Variants in ANAPC4 observed in about 807,000 individuals in gnomAD.
The protein encoded by ANAPC4 is anaphase promoting complex subunit 4, also known as anaphase-promoting complex subunit 4.
A neutral mutation model predicts 119.8 loss-of-function variants in ANAPC4; 63 were observed. The observed-to-expected ratio is 0.53, with a 90% CI of 0.43 to 0.65. The LOEUF (loss-of-function observed/expected upper bound fraction) is 0.65. Among genes scored for constraint, ANAPC4 ranks in the 30% least tolerant of loss-of-function variants. The probability of loss-of-function intolerance (pLI) is 0.00; values close to 1 mark genes in which losing one functional copy is unlikely to be tolerated. For missense variants in ANAPC4, 716 were observed against 945.1 expected (o/e 0.76, Z 3.18); for synonymous variants, 283 against 318.6 (o/e 0.89, Z 1.19).
Position 25,394,810 on chromosome 4 carries a change from A to G in ANAPC4, c.985-19A>G, listed in dbSNP as rs759661843. On this transcript the variant is annotated intron_variant, in intron 13 of 28. Transcript: ENST00000315368. ...AATATCCTGATTGTATGCTAAATAT[A>G]TTTTCCTTTTTTAATTAGGGCTTGA... 1 of 1,606,934 alleles carries G rather than the reference A, an allele frequency of 6.2e-7. No individual in the cohort carries two copies. Among genetic ancestry groups the G allele is most frequent in the South Asian group, 1.1e-5 (1 of 89,420 alleles).
At position 25,416,583 on chromosome 4, in the gene ANAPC4, G is replaced by A; in HGVS notation, c.2060G>A (p.Gly687Glu). The change falls in exon 27 of 29, where the codon GGG (glycine) becomes GAG (glutamate). Residue 687 changes from glycine (G) to glutamate (E), a missense_variant. By Grantham distance (98) the Gly-to-Glu change is moderately conservative. Transcript: ENST00000315368. ...SEDSAEYQFT[G>E]TYSTRLDEQC... ...GATTCTGCAGAATATCAGTTCACTGGGACTTATTCTACAAGGTAACTAGTA... is the reference window on the plus strand; with the variant it reads ...GATTCTGCAGAATATCAGTTCACTGAGACTTATTCTACAAGGTAACTAGTA... 1 of 1,538,920 alleles carries A rather than the reference G, an allele frequency of 6.5e-7. No homozygotes were observed. Among genetic ancestry groups the A allele is most frequent in the Admixed American group, 1.8e-5 (1 of 54,300 alleles).
intron 4 of ANAPC4, among the ~76,000 whole-genome samples, chr4:25,385,966 T>C (rs1722008365): frequency 6.6e-6 from 1 of 152,204 alleles, no homozygotes. Flanking sequence ...GTTTCGCTCT[T>C]ATTGCCCAGG....
At chr4:25,406,163 A>G (rs1723236027) in intron 18 of ANAPC4, among the ~76,000 whole-genome samples, 1 of 152,188 alleles carries the variant, frequency 6.6e-6, no homozygotes, top group African/African-American at 2.4e-5. Context: ...TGAGCCTGAA[A>G]AAATGGACAG....
At chr4:25,395,016 C>T in intron 14 of ANAPC4, 111 bp downstream of exon 14, 1 of 793,698 alleles carries the variant, frequency 1.3e-6, no homozygotes, top group East Asian at 2.6e-5. Flanking sequence ...CCTTTTCTAG[C>T]TAAAATTGTT....
intron 8 of ANAPC4, 43 bp from the exon 9 acceptor site, chr4:25,390,868 A>C (rs759418058): frequency 6.9e-7 from 1 of 1,457,668 alleles, no homozygotes; most frequent in Non-Finnish European, 9.6e-7. Context: ...GCTTCAACCT[A>C]GCAGTGATAC....
At chr4:25,399,024 A>G (rs760908480) in intron 16 of ANAPC4, among the ~76,000 whole-genome samples, 6 of 151,788 alleles carry the variant, frequency 4.0e-5, no homozygotes, top group Non-Finnish European at 8.8e-5. Context: ...TAAAAATTAC[A>G]AGAATAATAG....
chr4:25,408,025 C>A (rs891744060), intron 20 of ANAPC4, among the ~76,000 whole-genome samples: 1 of 152,140 alleles, frequency 6.6e-6, no homozygotes, highest in South Asian at 2.1e-4. Context: ...ATATTGCAAA[C>A]CTCTTTGATG....
intron 7 of ANAPC4, 57 bp from the exon 8 acceptor site, chr4:25,390,079 A>C: frequency 8.3e-7 from 1 of 1,199,544 alleles, no homozygotes; most frequent in Non-Finnish European, 1.2e-6. Flanking sequence ...TCGCTTTAAC[A>C]ATGCAATCAT....
intron 10 of ANAPC4, among the ~76,000 whole-genome samples, chr4:25,393,017 G>A (rs950901189): frequency 6.6e-6 from 1 of 152,180 alleles, no homozygotes; most frequent in African/African-American, 2.4e-5. Flanking sequence ...TATTTCTGCT[G>A]CATTCCGTTA....
intron 4 of ANAPC4, among the ~76,000 whole-genome samples, chr4:25,386,762 A>G (rs1358072717): frequency 6.6e-6 from 1 of 152,210 alleles, no homozygotes; most frequent in Non-Finnish European, 1.5e-5. Context: ...GATTTGTGAA[A>G]AATGCAGTAT....
intron 4 of ANAPC4, among the ~76,000 whole-genome samples, chr4:25,384,799 C>A (rs1490769564): frequency 3.0e-4 from 43 of 141,478 alleles, no homozygotes; most frequent in Admixed American, 3.5e-4. Flanking sequence ...TGACCTGTCT[C>A]AAAAAAAAAA....
rs79298207 is a variant in ANAPC4 at position 25,395,897 on chromosome 4, G to A, written c.1062-767G>A. Among the ~76,000 whole-genome samples, 1,149 of 152,276 alleles carry A rather than the reference G, an allele frequency of 7.5e-3. 40 individuals carry two copies. The East Asian group carries it at 0.11, about 15-fold the overall frequency. On this transcript the variant is annotated intron_variant, in intron 14 of 28. Coordinates refer to ENST00000315368, the MANE Select transcript of ANAPC4 (RefSeq NM_013367.3). ...CTTTGAATGTATTTTCCCCAGTAGA[G>A]CTAAACATATTTCTCTCTTAAAAAC...
chr4:25,400,306 CA>C (rs1025171359), intron 16 of ANAPC4, among the ~76,000 whole-genome samples: 26 of 151,682 alleles, frequency 1.7e-4, no homozygotes, highest in African/African-American at 5.8e-4. Context: ...GGACCTAGTG[CA>C]GAAGGGAAAG....
Position 25,406,767 on chromosome 4 carries a change from A to G in ANAPC4, c.1318-62A>G, listed in dbSNP as rs1004474955. 41 of 1,243,894 alleles carry G rather than the reference A, an allele frequency of 3.3e-5. No individual in the cohort carries two copies. In the African/African-American group the frequency reaches 5.4e-4, roughly 16 times the overall value. The allele number at this position is 1,243,894 out of a possible 1,614,324, so 77.1% of individuals were successfully genotyped here. ...AATGTCACATTTATAATTATGTACC[A>G]TTTCTTTTATTGAGCAGCTTTCTTT... On this transcript the variant is annotated intron_variant, in intron 18 of 28. Coordinates refer to ENST00000315368, the MANE Select transcript of ANAPC4 (RefSeq NM_013367.3).
chr4:25,395,470 T>G (rs545598945), intron 14 of ANAPC4: 3 of 152,474 alleles, frequency 2.0e-5, no homozygotes, highest in African/African-American at 7.2e-5. Context: ...GGTTTTTTGT[T>G]TTTTCGAGAT....
Position 25,394,894 on chromosome 4 carries a change from T to A in ANAPC4, c.1050T>A (p.Ser350Arg). Residue 350 changes from serine to arginine, a missense_variant, in exon 14 of 29, where the codon AGT becomes AGA. This residue lies in a region of ANAPC4 where 504 missense variants were observed against 615.8 expected (regional missense o/e 0.82). Coordinates refer to ENST00000315368, the MANE Select transcript of ANAPC4 (RefSeq NM_013367.3). ...CCAGTATACAAAAATTGGTCATAAG[T>A]CATTTACAGAGGTATGAAGGTGACG... ...SYSSIQKLVI[S>R]HLQSGSESLL... 1.2e-6 allele frequency: 2 copies of A among 1,612,904 alleles called. No homozygotes were observed. The highest frequency in any genetic ancestry group is 1.7e-6 in the Non-Finnish European group (2 of 1,179,424).
chr4:25,416,245 A>G (rs1367259929), intron 26 of ANAPC4, 180 bp from the exon 27 acceptor site: 1 of 419,808 alleles, frequency 2.4e-6, no homozygotes, highest in African/African-American at 2.0e-5. Flanking sequence ...ATATATGTGA[A>G]TAATCAGTAC....
At chr4:25,389,787 A>G (rs954217959) in intron 7 of ANAPC4, among the ~76,000 whole-genome samples, 4 of 152,338 alleles carry the variant, frequency 2.6e-5, no homozygotes, top group Admixed American at 6.5e-5. Context: ...CATTTAATAT[A>G]TTTAGCATCA....
At chr4:25,380,251 C>T (rs1436727735) in intron 2 of ANAPC4, 123 bp from the exon 3 acceptor site, 1 of 557,894 alleles carries the variant, frequency 1.8e-6, no homozygotes. Context: ...TTTTTCTATT[C>T]TTCTGATAGC....
Sources: allele counts gnomAD v4.1 joint callset (sites outside exome capture counted in the v4.1 genomes callset), GRCh38; gene constraint gnomAD v4.1.1; regional missense constraint gnomAD v4.1.1; transcripts MANE v1.5; gene names NCBI Gene and HGNC (gene_info 2026-07-23, HGNC 2026-07-21).